POLM: variants seen among roughly 807,000 people sequenced by gnomAD.
POLM encodes DNA-directed DNA/RNA polymerase mu.
A neutral mutation model predicts 56.7 loss-of-function variants in POLM; 52 were observed. The observed-to-expected ratio is 0.92, with a 90% CI of 0.73 to 1.15. The LOEUF (loss-of-function observed/expected upper bound fraction) is 1.15, where lower values mean the gene tolerates loss of function less well. POLM is among the 50% of genes most tolerant of loss of function. POLM has a pLI of 0.00. For synonymous variants in POLM, 273 were observed against 274.3 expected (o/e 1.00, Z 0.05); for missense variants, 660 against 663.6 (o/e 0.99, Z 0.06).
At chr7:44,081,896 C>T (rs1389209797) in intron 1 of POLM, among the ~76,000 whole-genome samples, 1 of 152,052 alleles carries the variant, frequency 6.6e-6, no homozygotes, top group Non-Finnish European at 1.5e-5. Flanking sequence ...CAGGTGCCCG[C>T]CACCACCTCC....
At chr7:44,080,291 G>A (rs1474364533) in intron 2 of POLM, 5 of 537,902 alleles carry the variant, frequency 9.3e-6, no homozygotes, top group Admixed American at 7.0e-5. Context: ...TGGAGGCTAG[G>A]GGCTTGCCCC....
intron 1 of POLM, among the ~76,000 whole-genome samples, chr7:44,081,922 T>G (rs976404557): frequency 6.6e-6 from 1 of 152,054 alleles, no homozygotes; most frequent in Non-Finnish European, 1.5e-5. Flanking sequence ...ATTTTTTGTA[T>G]TTTTAGTAGA....
rs1171020026 is a variant in POLM at position 44,074,348 on chromosome 7, C to T, written c.968+50G>A. ...AGGGTCCCCGACTCAGGTCCCTTCA[C>T]TGGGGAGGGGTCTGAAGCCAAGCCA... is the stretch of plus-strand genomic sequence containing the variant. On this transcript the variant is annotated intron_variant, in intron 7 of 10. Coordinates refer to ENST00000242248, the MANE Select transcript of POLM (RefSeq NM_013284.4). 3.2e-6 allele frequency: 5 copies of T among 1,549,258 alleles called. No homozygotes were observed. The East Asian group carries it at 1.2e-4, about 38-fold the overall frequency.
Position 44,080,705 on chromosome 7 carries a change from C to T in POLM, c.372+28G>A, listed in dbSNP as rs781723110. 2.7e-5 allele frequency: 44 copies of T among 1,609,408 alleles called. No individual in the cohort carries two copies. In the Admixed American group the frequency reaches 7.2e-4, roughly 26 times the overall value. On this transcript the variant is annotated intron_variant, in intron 2 of 10. Transcript: ENST00000242248. ...CCTACACTGGGGCTTTCACTGTAGCCCCCACTTTAGTCTTCCACCCAGCTC... is the reference window on the plus strand; with the variant it reads ...CCTACACTGGGGCTTTCACTGTAGCTCCCACTTTAGTCTTCCACCCAGCTC...
intron 2 of POLM, 152 bp downstream of exon 2, chr7:44,080,581 A>AG (rs1352298187): frequency 1.3e-6 from 1 of 793,092 alleles, no homozygotes; most frequent in Non-Finnish European, 2.1e-6. Flanking sequence ...ACTGGTTTAT[A>AG]GGGGGCCCCT....
At chr7:44,079,524 G>T in intron 4 of POLM, 47 bp downstream of exon 4, 1 of 1,566,756 alleles carries the variant, frequency 6.4e-7, no homozygotes. Context: ...CAGGCCCCAA[G>T]GCCTCCCCAC....
chr7:44,082,291 G>A lies in POLM; in HGVS notation c.148C>T (p.Leu50=), dbSNP rs1349740475. 7.8e-6 allele frequency: 12 copies of A among 1,548,150 alleles called. No homozygotes were observed. The highest frequency in any genetic ancestry group is 1.0e-5 in the Non-Finnish European group (12 of 1,154,604). The change falls in exon 1 of 11, where the codon CTG becomes TTG. Residue 50 remains leucine (L), a synonymous_variant. Transcript: ENST00000242248. ...GRSRRAFLTG[L]ARSKGFRVLD... ...ACGCGGAAGCCTTTGGAGCGCGCCA[G>A]GCCTGTGAGGAAGGCCCGGCGGCTG...
chr7:44,078,132 G>C (rs963394793), intron 5 of POLM, among the ~76,000 whole-genome samples: 1 of 152,242 alleles, frequency 6.6e-6, no homozygotes, highest in Non-Finnish European at 1.5e-5. Context: ...CTCTGTTTAA[G>C]ATGCCACAGC....
rs2096174561 is a variant in POLM at position 44,073,620 on chromosome 7, T to G, written c.1398+5A>C. Reference sequence around the variant, plus strand: ...GTTTGCTGTCCCCAGTCCCCAACAATGTACCTGCTCCGGGTCAAACAGCCC... The same window carrying G: ...GTTTGCTGTCCCCAGTCCCCAACAAGGTACCTGCTCCGGGTCAAACAGCCC... On this transcript the variant is annotated splice_donor_5th_base_variant and intron_variant, in intron 10 of 10. Coordinates refer to ENST00000242248, the MANE Select transcript of POLM (RefSeq NM_013284.4). The G allele has an allele frequency of 1.9e-6, 3 of 1,613,990 alleles. No individual in the cohort carries two copies.
Position 44,082,492 on chromosome 7 carries a change from A to T in POLM, c.-54T>A, listed in dbSNP as rs2096203303. 4 of 556,706 alleles carry T rather than the reference A, an allele frequency of 7.2e-6. No individual in the cohort carries two copies. Among genetic ancestry groups the T allele is most frequent in the Non-Finnish European group, 9.2e-6 (4 of 436,952 alleles). The allele number at this position is 556,706 out of a possible 1,614,324, so 34.5% of individuals were successfully genotyped here. A position where few individuals can be genotyped will look rare whatever the true frequency, so the allele number is the denominator to read the frequency against. On this transcript the variant is annotated 5_prime_UTR_variant, in exon 1 of 11. Transcript: ENST00000242248. ...CGAACGCAGAGGGAAACTCCGAGCG[A>T]GACGGAAGGAAGCCCCAGTGAGGCT...
chr7:44,074,038 G>C lies in POLM; in HGVS notation c.1072-13C>G, dbSNP rs1562667145. 7 of 1,612,028 alleles carry C rather than the reference G, an allele frequency of 4.3e-6. 1 individual carries two copies. In the South Asian group the frequency reaches 7.7e-5, roughly 18 times the overall value. Reference sequence around the variant, plus strand: ...ACAGGATGAGGCCCTGTGGGGAGAGGCGGGCGTGGCTGAGACCATCCGGTG... The same window carrying C: ...ACAGGATGAGGCCCTGTGGGGAGAGCCGGGCGTGGCTGAGACCATCCGGTG... On this transcript the variant is annotated splice_polypyrimidine_tract_variant and intron_variant, in intron 8 of 10. Coordinates refer to ENST00000242248, the MANE Select transcript of POLM (RefSeq NM_013284.4).
At position 44,080,765 on chromosome 7, in the gene POLM, G is replaced by C; in HGVS notation, c.340C>G (p.Pro114Ala). The change falls in exon 2 of 11, where the codon CCT becomes GCT. Residue 114 changes from proline (P) to alanine (A), a missense_variant. By Grantham distance (27) the Pro-to-Ala change is conservative (BLOSUM62 -1). Coordinates refer to ENST00000242248, the MANE Select transcript of POLM (RefSeq NM_013284.4). ...WLTESLGAGQ[P>A]VPVECRHRLE... ...CGGTGCCGGCACTCCACAGGTACAGGCTGCCCAGCTCCCAGGCTCTCTGTT... is the reference window on the plus strand; with the variant it reads ...CGGTGCCGGCACTCCACAGGTACAGCCTGCCCAGCTCCCAGGCTCTCTGTT... 1 of 1,614,094 alleles carries C rather than the reference G, an allele frequency of 6.2e-7. No individual in the cohort carries two copies. Among genetic ancestry groups the C allele is most frequent in the East Asian group, 2.2e-5 (1 of 44,884 alleles).
chr7:44,077,260 C>T (rs1167761538), intron 5 of POLM, among the ~76,000 whole-genome samples: 1 of 152,208 alleles, frequency 6.6e-6, no homozygotes, highest in East Asian at 1.9e-4. Context: ...CATTTCCAAC[C>T]GATGGAAGAA....
At chr7:44,078,873 G>T in intron 4 of POLM, 62 bp from the exon 5 acceptor site, 1 of 1,446,790 alleles carries the variant, frequency 6.9e-7, no homozygotes. Context: ...AGAAGGGCGG[G>T]GAGTTAGGGT....
intron 1 of POLM, among the ~76,000 whole-genome samples, chr7:44,081,502 C>A (rs1040755608): frequency 1.3e-5 from 2 of 152,168 alleles, no homozygotes; most frequent in African/African-American, 4.8e-5. Flanking sequence ...GAATACTAGC[C>A]CCAGGTTCGT....
Position 44,073,951 on chromosome 7 carries a change from C to G in POLM, c.1146G>C (p.Met382Ile). 6.2e-7 allele frequency: 1 copy of G among 1,614,232 alleles called. No individual in the cohort carries two copies. Among genetic ancestry groups the G allele is most frequent in the South Asian group, 1.1e-5 (1 of 91,090 alleles). The change falls in exon 9 of 11, where the codon ATG (methionine) becomes ATC (isoleucine). Residue 382 changes from methionine (M) to isoleucine (I), a missense_variant. Physicochemically the swap from Met to Ile is conservative, Grantham distance 10. Transcript: ENST00000242248. Reference protein sequence around the residue: ...SPTRLAQQSHMDAFERSFCIF... With the variant: ...SPTRLAQQSHIDAFERSFCIF... Reference sequence around the variant, plus strand: ...TGCAGAAACTTCTCTCAAAAGCGTCCATGTGGCTCTGTTGGGCCAGGCGGG... The same window carrying G: ...TGCAGAAACTTCTCTCAAAAGCGTCGATGTGGCTCTGTTGGGCCAGGCGGG...
At chr7:44,080,027 G>A (rs1186037367) in intron 2 of POLM, 68 bp from the exon 3 acceptor site, 1 of 1,192,778 alleles carries the variant, frequency 8.4e-7, no homozygotes, top group East Asian at 2.4e-5. Context: ...GCCGTACTCA[G>A]GCTTTGTTTC....
chr7:44,079,982 T>C (rs1211206519), intron 2 of POLM, 23 bp from the exon 3 acceptor site: 14 of 1,544,084 alleles, frequency 9.1e-6, no homozygotes, highest in Non-Finnish European at 1.3e-5. Flanking sequence ...AATAAACAGG[T>C]CACTGTGAGG....
At chr7:44,079,485 C>T in intron 4 of POLM, 86 bp downstream of exon 4, 1 of 1,331,960 alleles carries the variant, frequency 7.5e-7, no homozygotes. Context: ...TGTCCTCACC[C>T]ACCCCCACAG....
Sources: gnomAD v4.1 joint callset for allele counts (sites outside exome capture counted in the v4.1 genomes callset) on GRCh38, gnomAD v4.1.1 for gene constraint, MANE v1.5 for transcripts, NCBI Gene and HGNC (gene_info 2026-07-23, HGNC 2026-07-21) for gene names.